The following TMOD1 variants were observed in gnomAD, a reference collection of about 807,000 sequenced individuals.
TMOD1 encodes tropomodulin 1.
Under a neutral mutation model 40.6 loss-of-function variants are expected in TMOD1, and 17 were observed. That is an observed-to-expected ratio of 0.42 (90% confidence interval 0.29 to 0.63). The LOEUF (loss-of-function observed/expected upper bound fraction) is 0.63. Among genes scored for constraint, TMOD1 ranks in the 20% least tolerant of loss-of-function variants. The probability of loss-of-function intolerance (pLI) is 0.22; values close to 1 mark genes in which losing one functional copy is unlikely to be tolerated. For synonymous variants in TMOD1, 181 were observed against 175.0 expected (o/e 1.03, Z -0.27); for missense variants, 391 against 447.6 (o/e 0.87, Z 1.14).
chr9:97,586,691 G>C (rs12349752), intron 8 of TMOD1, among the ~76,000 whole-genome samples: 4 of 150,556 alleles, frequency 2.7e-5, no homozygotes, highest in Admixed American at 1.3e-4. Flanking sequence ...AGCCAGGTGC[G>C]GGATATAATC....
At chr9:97,528,432 CAAAGA>C (rs1200959149) in intron 2 of TMOD1, among the ~76,000 whole-genome samples, 2 of 152,090 alleles carry the variant, frequency 1.3e-5, no homozygotes, top group East Asian at 3.9e-4. Flanking sequence ...TCTCTCAGTT[CAAAGA>C]AAAGAGAAGA....
chr9:97,518,920 T>TA (rs2131217237), intron 1 of TMOD1, among the ~76,000 whole-genome samples: 1 of 152,362 alleles, frequency 6.6e-6, no homozygotes, highest in Admixed American at 6.5e-5. Context: ...ATCTGGGGCA[T>TA]AAAGGATGGA....
intron 2 of TMOD1, among the ~76,000 whole-genome samples, chr9:97,530,783 C>T (rs1487949116): frequency 1.6e-5 from 2 of 124,774 alleles, no homozygotes; most frequent in East Asian, 4.8e-4. Flanking sequence ...GCCACCGGGC[C>T]CGGCTTTTTT....
intron 8 of TMOD1, among the ~76,000 whole-genome samples, chr9:97,577,920 G>A (rs1825646101): frequency 6.6e-6 from 1 of 152,152 alleles, no homozygotes; most frequent in Non-Finnish European, 1.5e-5. Flanking sequence ...CACTAAATAA[G>A]TTACTTGAAA....
intron 8 of TMOD1, among the ~76,000 whole-genome samples, chr9:97,576,926 A>G (rs1452071316): frequency 6.6e-6 from 1 of 152,156 alleles, no homozygotes; most frequent in Non-Finnish European, 1.5e-5. Context: ...GGCGTGAGCC[A>G]TCGCGCCTGG....
rs764534402 is a variant in TMOD1 at position 97,599,741 on chromosome 9, A to G, written c.*43A>G. ...CATGCCTTTGAACTGGATGTGTTCT[A>G]TTGATGACCTGTGCTCTGCAGGGGA... On this transcript the variant is annotated 3_prime_UTR_variant, in exon 10 of 10. Transcript: ENST00000259365. 2 of 1,613,604 alleles carry G rather than the reference A, an allele frequency of 1.2e-6. No homozygotes were observed. The highest frequency in any genetic ancestry group is 1.7e-6 in the Non-Finnish European group (2 of 1,179,926).
At chr9:97,555,427 C>A in intron 4 of TMOD1, 4 of 1,391,542 alleles carry the variant, frequency 2.9e-6, no homozygotes, top group African/African-American at 1.5e-5. Flanking sequence ...CCGGCGCCTG[C>A]GGTTCCTGTG....
intron 2 of TMOD1, among the ~76,000 whole-genome samples, 189 bp downstream of exon 2, chr9:97,524,497 G>GGTGTGTGCGT (rs1554753951): frequency 2.1e-5 from 3 of 142,936 alleles, no homozygotes; most frequent in African/African-American, 8.1e-5. Context: ...GAACCAATAG[G>GGTGTGTGCGT]GTGTGTGTGT....
chr9:97,550,500 G>T (rs755904764), intron 3 of TMOD1, among the ~76,000 whole-genome samples: 14 of 152,058 alleles, frequency 9.2e-5, no homozygotes, highest in Non-Finnish European at 1.9e-4. Context: ...AGCAATGTAC[G>T]AGGGCTCCAA....
intron 2 of TMOD1, among the ~76,000 whole-genome samples, chr9:97,544,275 T>C (rs561528591): frequency 6.6e-6 from 1 of 152,312 alleles, no homozygotes; most frequent in East Asian, 1.9e-4. Flanking sequence ...TGGTGGTTCA[T>C]GCCTGTAATC....
At chr9:97,553,242 T>C in intron 3 of TMOD1, 39 bp from the exon 4 acceptor site, 1 of 1,612,226 alleles carries the variant, frequency 6.2e-7, no homozygotes, top group Non-Finnish European at 8.5e-7. Context: ...GCTGTTCCAT[T>C]GCAGCCACTC....
intron 1 of TMOD1, among the ~76,000 whole-genome samples, chr9:97,506,920 T>C (rs1829600357): frequency 6.6e-6 from 1 of 152,256 alleles, no homozygotes; most frequent in Admixed American, 6.5e-5. Flanking sequence ...AAAAGCTCCT[T>C]GCTTCTAATA....
chr9:97,600,320 G>GA lies in TMOD1; in HGVS notation c.*629dup, dbSNP rs1009675400. ...TTTGCTGGATATGCAGAAATGATAG[G>GA]AAAAAAACCAATGGTGAAATTTCAA... On this transcript the variant is annotated 3_prime_UTR_variant, in exon 10 of 10. Coordinates refer to ENST00000259365, the MANE Select transcript of TMOD1 (RefSeq NM_003275.4). The GA allele has an allele frequency of 1.1e-4, 113 of 985,796 alleles. No homozygotes were observed. Among genetic ancestry groups the GA allele is most frequent in the Non-Finnish European group, 1.2e-4 (98 of 830,100 alleles). 61.1% of individuals were successfully genotyped at this position (985,796 alleles called of 1,614,324 possible).
chr9:97,560,267 CTAACACCACA>C (rs1197779912), intron 4 of TMOD1, among the ~76,000 whole-genome samples: 1 of 152,022 alleles, frequency 6.6e-6, no homozygotes, highest in Non-Finnish European at 1.5e-5. Context: ...CTAGATATGT[CTAACACCACA>C]TAGATTCTGA....
chr9:97,517,750 G>A (rs555839407), intron 1 of TMOD1: 1 of 153,014 alleles, frequency 6.5e-6, no homozygotes, highest in Admixed American at 6.5e-5. Context: ...GACCTGGGAG[G>A]ATTCAGAAAG....
rs182335398 is a variant in TMOD1, at chr9:97,565,622, G to A, written c.619-226G>A. On this transcript the variant is annotated intron_variant, in intron 6 of 9. Coordinates refer to ENST00000259365, the MANE Select transcript of TMOD1 (RefSeq NM_003275.4). ...TGGCCCCCAAGTGCACAAAGAAAGA[G>A]GTTACAGGTCTTATCTGAAATTTTC... 1.2e-4 allele frequency among the ~76,000 whole-genome samples: 19 copies of A among 152,264 alleles called. 1 individual carries two copies. In the East Asian group the frequency reaches 3.7e-3, roughly 29 times the overall value.
intron 8 of TMOD1, 36 bp downstream of exon 8, chr9:97,569,073 A>T (rs1266464422): frequency 6.2e-7 from 1 of 1,608,322 alleles, no homozygotes; most frequent in Admixed American, 1.7e-5. Context: ...GTCTGTTACT[A>T]CATGCAGCTC....
At chr9:97,519,148 C>T (rs1829876432) in intron 1 of TMOD1, among the ~76,000 whole-genome samples, 1 of 152,198 alleles carries the variant, frequency 6.6e-6, no homozygotes, top group Admixed American at 6.5e-5. Context: ...GCAGAAGTGA[C>T]TGGACCGGCT....
chr9:97,571,589 A>G (rs1830818423), intron 8 of TMOD1, among the ~76,000 whole-genome samples: 3 of 152,214 alleles, frequency 2.0e-5, no homozygotes, highest in Non-Finnish European at 2.9e-5. Context: ...ATCTAATTTA[A>G]TGTTCACAAA....
Sources: gnomAD v4.1 joint callset for allele counts (sites outside exome capture counted in the v4.1 genomes callset) on GRCh38, gnomAD v4.1.1 for gene constraint, MANE v1.5 for transcripts, NCBI Gene and HGNC (gene_info 2026-07-23, HGNC 2026-07-21) for gene names.